Variants in PXN observed in about 807,000 individuals in gnomAD.
PXN encodes testicular tissue protein Li 134.
In PXN, 61 loss-of-function variants were observed where a neutral mutation model predicts 103.6. That is an observed-to-expected ratio of 0.59 (90% CI 0.48 to 0.73). The LOEUF is 0.73. Among genes scored for constraint, PXN ranks in the 30% least tolerant of loss-of-function variants. The pLI is 0.00. For synonymous variants in PXN, 562 were observed against 607.8 expected (o/e 0.92, Z 1.11); for missense variants, 1,274 against 1,460.3 (o/e 0.87, Z 2.08).
chr12:120,246,346 G>A (rs1036435224), intron 1 of PXN, among the ~76,000 whole-genome samples: 4 of 151,380 alleles, frequency 2.6e-5, no homozygotes, highest in Admixed American at 6.6e-5. Context: ...GGCCAACATG[G>A]TGAAACCCCA....
At chr12:120,244,142 A>G (rs1890639120) in intron 1 of PXN, among the ~76,000 whole-genome samples, 1 of 148,674 alleles carries the variant, frequency 6.7e-6, no homozygotes, top group Admixed American at 6.8e-5. Flanking sequence ...CTACTCTTCT[A>G]TCCCAGAATG....
At chr12:120,232,609 G>A (rs567003736) in intron 1 of PXN, among the ~76,000 whole-genome samples, 89 of 152,048 alleles carry the variant, frequency 5.9e-4, no homozygotes, top group African/African-American at 2.0e-3. Context: ...GTTCCAAATC[G>A]ACCCCAGCCC....
chr12:120,241,075 A>C (rs1268600895), intron 1 of PXN, among the ~76,000 whole-genome samples: 1 of 152,188 alleles, frequency 6.6e-6, no homozygotes, highest in African/African-American at 2.4e-5. Context: ...GGACCACCTG[A>C]AGTTTCACTA....
At chr12:120,238,541 G>T (rs1331797419) in intron 1 of PXN, among the ~76,000 whole-genome samples, 1 of 152,206 alleles carries the variant, frequency 6.6e-6, no homozygotes, top group African/African-American at 2.4e-5. Flanking sequence ...GACACTCTGG[G>T]GCTCCGCAAA....
chr12:120,223,098 T>G, intron 3 of PXN, 99 bp from the exon 4 acceptor site: 1 of 1,583,046 alleles, frequency 6.3e-7, no homozygotes, highest in Non-Finnish European at 8.6e-7. Flanking sequence ...GCAGAGGAGA[T>G]GCGAAGTCTT....
chr12:120,261,115 C>T (rs1893814490), intron 1 of PXN, among the ~76,000 whole-genome samples: 1 of 152,210 alleles, frequency 6.6e-6, no homozygotes, highest in Non-Finnish European at 1.5e-5. Context: ...ATATGGCCAG[C>T]TTGATTCAAG....
chr12:120,217,109 G>A lies in PXN; in HGVS notation c.1724C>T (p.Ser575Phe), dbSNP rs137860469. The change falls in exon 8 of 15, where the codon TCT becomes TTT. Residue 575 changes from serine to phenylalanine, a missense_variant. By Grantham distance (155) the Ser-to-Phe change is radical. Around this residue, in one of 2 missense-constraint regions of PXN, gnomAD observed 1,178 missense variants for 1,309.0 expected, o/e 0.90. Coordinates refer to ENST00000637617, the MANE Select transcript of PXN (RefSeq NM_001385981.1). The surrounding 1 kb of genome is among the most constrained non-coding windows in gnomAD (Gnocchi z 4.1). ...ERISTSGQIR[S>F]VIRRSWESGH... is the part of the protein sequence containing the mutation. Reference sequence around the variant, plus strand: ...AGACTCCCAGCTCCTCCTGATCACAGATCGGATCTAGGGGGAGGGGGAGGG... The same window carrying A: ...AGACTCCCAGCTCCTCCTGATCACAAATCGGATCTAGGGGGAGGGGGAGGG... The A allele has an allele frequency of 1.9e-6, 3 of 1,585,970 alleles. No individual in the cohort carries two copies. In the African/African-American group the frequency reaches 4.0e-5, roughly 21 times the overall value.
In PXN at chr12:120,211,797, G is replaced by A; in HGVS notation, c.*517C>T. 2.4e-6 allele frequency: 1 copy of A among 414,914 alleles called. No individual in the cohort carries two copies. Among genetic ancestry groups the A allele is most frequent in the Non-Finnish European group, 4.9e-6 (1 of 204,220 alleles). The allele number at this position is 414,914 out of a possible 1,614,324, so 25.7% of individuals were successfully genotyped here. Reference sequence around the variant, plus strand: ...AGGAGGAGCACAGAGAACCTTCCATGGCCCCTTTGGTTCTCTGCCTTTGGA... The same window carrying A: ...AGGAGGAGCACAGAGAACCTTCCATAGCCCCTTTGGTTCTCTGCCTTTGGA... On this transcript the variant is annotated 3_prime_UTR_variant, in exon 15 of 15. Coordinates refer to ENST00000637617, the MANE Select transcript of PXN (RefSeq NM_001385981.1).
chr12:120,219,958 C>G lies in PXN; in HGVS notation c.965G>C (p.Arg322Pro). 6.3e-7 allele frequency: 1 copy of G among 1,596,424 alleles called. No homozygotes were observed. ...FLPPTTIPSP[R>P]GQGHTPEFPC... ...GAACTCCGGAGTGTGGCCCTGGCCT[C>G]GAGGGGAGGGTATAGTGGTGGGTGG... Residue 322 changes from arginine to proline, a missense_variant, in exon 7 of 15, where the codon CGA becomes CCA. By Grantham distance (103) the Arg-to-Pro change is moderately radical (BLOSUM62 -2). This residue lies in a region of PXN where 1,178 missense variants were observed against 1,309.0 expected (regional missense o/e 0.90). Coordinates refer to ENST00000637617, the MANE Select transcript of PXN (RefSeq NM_001385981.1). This position sits in a 1 kb window ranked among gnomAD's most constrained non-coding sequence, Gnocchi z 6.5.
At chr12:120,223,892 G>A in intron 2 of PXN, 59 bp from the exon 3 acceptor site, 1 of 1,330,572 alleles carries the variant, frequency 7.5e-7, no homozygotes, top group Non-Finnish European at 1.1e-6. Flanking sequence ...ACAGGGGCCA[G>A]GAGCAGCTCC....
chr12:120,258,962 G>C (rs530277748), intron 1 of PXN, among the ~76,000 whole-genome samples: 3 of 152,030 alleles, frequency 2.0e-5, no homozygotes, highest in African/African-American at 7.2e-5. Context: ...CCAGCTACTC[G>C]GGAGACTGAG....
At position 120,226,455 on chromosome 12, in the gene PXN, A is replaced by T. The variant is rs1886903708; in HGVS notation, c.14-2078T>A. On this transcript the variant is annotated intron_variant, in intron 1 of 14. Coordinates refer to ENST00000637617, the MANE Select transcript of PXN (RefSeq NM_001385981.1). ...ACTGCCAAGGCTGGATGAAGTGACA[A>T]TGCTGGACTCTGATCTCAGGTCTCT... 2.3e-6 allele frequency: 3 copies of T among 1,287,450 alleles called. No homozygotes were observed. The Admixed American group carries it at 6.9e-5, about 30-fold the overall frequency. 79.8% of individuals were successfully genotyped at this position (1,287,450 alleles called of 1,614,324 possible).
Position 120,215,683 on chromosome 12 carries a change from G to A in PXN, c.2302-22C>T, listed in dbSNP as rs745504948. 4.4e-6 allele frequency: 7 copies of A among 1,579,782 alleles called. No homozygotes were observed. In the South Asian group the frequency reaches 5.7e-5, roughly 13 times the overall value. On this transcript the variant is annotated intron_variant, in intron 9 of 14. Coordinates refer to ENST00000637617, the MANE Select transcript of PXN (RefSeq NM_001385981.1). This position sits in a 1 kb window ranked among gnomAD's most constrained non-coding sequence, Gnocchi z 4.9. Reference sequence around the variant, plus strand: ...GGATCTTAGATAGGGGAAGAGATGAGGGTAAGAAATCTTTTTTAAAAATTA... The same window carrying A: ...GGATCTTAGATAGGGGAAGAGATGAAGGTAAGAAATCTTTTTTAAAAATTA...
chr12:120,260,584 G>A (rs1329996624), intron 1 of PXN, among the ~76,000 whole-genome samples: 1 of 152,090 alleles, frequency 6.6e-6, no homozygotes, highest in Non-Finnish European at 1.5e-5. Flanking sequence ...AGAGAATAGG[G>A]TGGGTGCAGA....
Position 120,216,638 on chromosome 12 carries a change from G to A in PXN, c.1993-57C>T, listed in dbSNP as rs1401471752. ...GAAGAAATCGCCAGCTCAGCCCACA[G>A]GGGTGGCGGGACCTCCCCAGGCTCC... On this transcript the variant is annotated intron_variant, in intron 8 of 14. Transcript: ENST00000637617. The surrounding 1 kb of genome is among the most constrained non-coding windows in gnomAD (Gnocchi z 5.1). The A allele has an allele frequency of 3.2e-6, 5 of 1,547,032 alleles. No homozygotes were observed. Among genetic ancestry groups the A allele is most frequent in the East Asian group, 4.7e-5 (2 of 42,242 alleles).
chr12:120,254,367 C>T (rs561347959), intron 1 of PXN, among the ~76,000 whole-genome samples: 5 of 152,184 alleles, frequency 3.3e-5, no homozygotes, highest in South Asian at 4.1e-4. Context: ...AAATCGTACT[C>T]GGGATTTTCG....
intron 1 of PXN, among the ~76,000 whole-genome samples, chr12:120,257,196 T>C (rs1893149465): frequency 6.6e-6 from 1 of 152,080 alleles, no homozygotes. Context: ...CAGCTGGAAA[T>C]GTGTGCCCTG....
At chr12:120,226,252 C>A in intron 1 of PXN, 1 of 1,284,872 alleles carries the variant, frequency 7.8e-7, no homozygotes, top group Non-Finnish European at 1.0e-6. Context: ...AGCTAAGAAA[C>A]CCCATAGGAC....
intron 1 of PXN, among the ~76,000 whole-genome samples, chr12:120,262,430 A>G (rs1457633925): frequency 6.6e-6 from 1 of 152,192 alleles, no homozygotes; most frequent in Non-Finnish European, 1.5e-5. Context: ...CCCCCTGGTT[A>G]GTCACCAGCA....
Sources: allele counts gnomAD v4.1 joint callset (sites outside exome capture counted in the v4.1 genomes callset), GRCh38; gene constraint gnomAD v4.1.1; regional missense constraint gnomAD v4.1.1; non-coding constraint Gnocchi (gnomAD v3.1); transcripts MANE v1.5; gene names NCBI Gene and HGNC (gene_info 2026-07-23, HGNC 2026-07-21).